Variants in THTPA observed in about 807,000 individuals in gnomAD.
The protein encoded by THTPA is thiamine-triphosphatase.
In THTPA, 16 loss-of-function variants were observed where a neutral mutation model predicts 16.5. The ratio of observed to expected loss-of-function variants is 0.97; its 90% CI spans 0.66 to 1.47. THTPA has a LOEUF of 1.47. Among genes scored for constraint, THTPA ranks in the 40% most tolerant of loss-of-function variants. The pLI, the probability that THTPA is intolerant of heterozygous loss-of-function variation, is 0.00. For missense variants in THTPA, 281 were observed against 280.9 expected, an observed-to-expected ratio of 1.00 and a Z score of 0.00; for synonymous variants, 110 against 115.5, an observed-to-expected ratio of 0.95 and a Z score of 0.30.
At chr14:23,549,220 TCCCCTG>T in the THTPA span, among the ~76,000 whole-genome samples, 3 of 152,142 alleles carry the variant, frequency 2.0e-5, no homozygotes, top group South Asian at 6.2e-4. Flanking sequence ...CCTTGGTTCC[TCCCCTG>T]CCCCCGAGTC....
chr14:23,533,948 A>C, the THTPA span: 1 of 1,537,998 alleles, frequency 6.5e-7, no homozygotes, highest in Non-Finnish European at 8.7e-7. This position sits in a 1 kb window ranked among gnomAD's most constrained non-coding sequence, Gnocchi z 4.8. Context: ...TTGTAGTGCC[A>C]GTTGCACTTG....
the THTPA span, chr14:23,533,148 G>A: frequency 6.8e-7 from 1 of 1,461,532 alleles, no homozygotes; most frequent in Non-Finnish European, 9.0e-7. This position sits in a 1 kb window ranked among gnomAD's most constrained non-coding sequence, Gnocchi z 4.8. Context: ...TCTCTATGTG[G>A]GGAGGTGGGT....
At chr14:23,512,575 T>C in the THTPA span, among the ~76,000 whole-genome samples, 14 of 116,004 alleles carry the variant, frequency 1.2e-4, no homozygotes. Flanking sequence ...TGGCATGGGA[T>C]TCATGGGCAC....
At chr14:23,522,223 G>C in the THTPA span, 1 of 1,478,836 alleles carries the variant, frequency 6.8e-7, no homozygotes, top group Admixed American at 2.2e-5. Flanking sequence ...CCCGCAATGG[G>C]GGTGGCATGG....
the THTPA span, chr14:23,522,777 T>C: frequency 6.5e-7 from 1 of 1,536,322 alleles, no homozygotes; most frequent in Non-Finnish European, 8.7e-7. Flanking sequence ...AAGGGCTCAG[T>C]AGGAGGGCCT....
At chr14:23,540,936 C>T in the THTPA span, among the ~76,000 whole-genome samples, 5 of 151,752 alleles carry the variant, frequency 3.3e-5, no homozygotes, top group African/African-American at 9.7e-5. Context: ...GACAGAGTCT[C>T]GCTCTGTCAC....
At chr14:23,526,808 T>C in the THTPA span, 1 of 1,523,480 alleles carries the variant, frequency 6.6e-7, no homozygotes, top group Non-Finnish European at 8.8e-7. Context: ...GGAGTCCCCT[T>C]TCCTGGTACC....
At chr14:23,542,566 A>G in the THTPA span, among the ~76,000 whole-genome samples, 1 of 152,098 alleles carries the variant, frequency 6.6e-6, no homozygotes, top group Non-Finnish European at 1.5e-5. Context: ...ATCCTGCTAG[A>G]TGTGGTTCTC....
At chr14:23,555,510 G>T (rs1357694478), upstream of THTPA, among the ~76,000 whole-genome samples, 2 of 152,098 alleles carry the variant, frequency 1.3e-5, no homozygotes, top group African/African-American at 2.4e-5. Context: ...GTCTCCAACT[G>T]TTGAAATACC....
chr14:23,524,104 T>G, the THTPA span: 1 of 1,534,332 alleles, frequency 6.5e-7, no homozygotes, highest in Non-Finnish European at 8.7e-7. The surrounding 1 kb of genome is among the most constrained non-coding windows in gnomAD (Gnocchi z 5.6). Flanking sequence ...CCTTGCCTAA[T>G]AAGAGGTTGA....
the THTPA span, chr14:23,530,198 T>C: frequency 2.6e-6 from 4 of 1,529,580 alleles, no homozygotes; most frequent in Non-Finnish European, 3.5e-6. Context: ...GCCTTCCCTG[T>C]GTAGGATGGG....
chr14:23,526,195 C>T, the THTPA span: 1 of 1,536,526 alleles, frequency 6.5e-7, no homozygotes, highest in Non-Finnish European at 8.7e-7. Context: ...AGACTGTGCA[C>T]TTAAAGGGCT....
chr14:23,551,486 C>T (rs551534538), upstream of THTPA: 14 of 152,048 alleles, frequency 9.2e-5, no homozygotes, highest in East Asian at 2.7e-3. This position sits in a 1 kb window ranked among gnomAD's most constrained non-coding sequence, Gnocchi z 5.3. Context: ...CTCCAGCGCT[C>T]GCTCCGGGGC....
the THTPA span, among the ~76,000 whole-genome samples, chr14:23,516,410 G>A: frequency 2.0e-5 from 3 of 152,158 alleles, no homozygotes; most frequent in Non-Finnish European, 2.9e-5. Context: ...AGCAGTGGGA[G>A]GAAAAGGAGA....
chr14:23,549,264 A>G, the THTPA span, among the ~76,000 whole-genome samples: 1 of 151,788 alleles, frequency 6.6e-6, no homozygotes. Flanking sequence ...CTTCCTTTGC[A>G]CATCCCTCAC....
chr14:23,552,657 A>G (rs915083969), upstream of THTPA, among the ~76,000 whole-genome samples: 4 of 151,928 alleles, frequency 2.6e-5, no homozygotes, highest in Admixed American at 2.6e-4. Flanking sequence ...GCTGCAGTGC[A>G]GTGGCATGAT....
At chr14:23,521,829 G>A in the THTPA span, 1 of 1,425,654 alleles carries the variant, frequency 7.0e-7, no homozygotes, top group Non-Finnish European at 9.2e-7. Flanking sequence ...CACTGAGGGT[G>A]GGAACTGAAC....
At chr14:23,531,639 G>A in the THTPA span, 1 of 1,519,606 alleles carries the variant, frequency 6.6e-7, no homozygotes, top group Non-Finnish European at 8.8e-7. Flanking sequence ...AGCCAAGCGG[G>A]AGGGTGTCTC....
the THTPA span, chr14:23,526,376 C>T: frequency 5.9e-6 from 9 of 1,536,222 alleles, no homozygotes; most frequent in Admixed American, 5.9e-5. Context: ...CTTATAGGGC[C>T]GGGCAGGGTC....
Sources: allele counts gnomAD v4.1 joint callset (sites outside exome capture counted in the v4.1 genomes callset), GRCh38; gene constraint gnomAD v4.1.1; non-coding constraint Gnocchi (gnomAD v3.1); transcripts MANE v1.5; gene names NCBI Gene and HGNC (gene_info 2026-07-23, HGNC 2026-07-21).